The following SAMTOR variants were observed in gnomAD, a reference collection of about 807,000 sequenced individuals.
SAMTOR encodes S-adenosylmethionine sensor upstream of mTORC1.
the SAMTOR span, among the ~76,000 whole-genome samples, chr7:112,903,356 G>GA: frequency 4.8e-5 from 7 of 145,854 alleles, no homozygotes; most frequent in South Asian, 6.6e-4. Context: ...AAAAAGAAAA[G>GA]AAAAAAATGA....
the SAMTOR span, among the ~76,000 whole-genome samples, chr7:112,911,481 G>A: frequency 6.6e-6 from 1 of 152,030 alleles, no homozygotes; most frequent in Non-Finnish European, 1.5e-5. Context: ...GAGAAAAAGG[G>A]TATTTATGCC....
At chr7:112,895,642 T>G in the SAMTOR span, 1 of 1,598,314 alleles carries the variant, frequency 6.3e-7, no homozygotes, top group Non-Finnish European at 8.6e-7. Flanking sequence ...TCATGCATAT[T>G]TAAGGCTGGA....
At chr7:112,849,412 T>C in the SAMTOR span, among the ~76,000 whole-genome samples, 1 of 152,216 alleles carries the variant, frequency 6.6e-6, no homozygotes, top group Admixed American at 6.5e-5. Context: ...TTAGAAATTT[T>C]ACTTATCTTC....
chr7:112,888,910 T>C, the SAMTOR span, among the ~76,000 whole-genome samples: 2 of 152,192 alleles, frequency 1.3e-5, no homozygotes, highest in East Asian at 1.9e-4. Context: ...AGATTTCTCT[T>C]TGGGAAACTG....
At chr7:112,889,024 A>C in the SAMTOR span, among the ~76,000 whole-genome samples, 1 of 152,200 alleles carries the variant, frequency 6.6e-6, no homozygotes, top group Non-Finnish European at 1.5e-5. Context: ...GCATGGGAAG[A>C]GAAGTTTACA....
chr7:112,900,053 T>C, the SAMTOR span, among the ~76,000 whole-genome samples: 4 of 152,108 alleles, frequency 2.6e-5, no homozygotes, highest in Non-Finnish European at 4.4e-5. Context: ...AAAACTGTAA[T>C]TGTAGTGCAT....
the SAMTOR span, among the ~76,000 whole-genome samples, chr7:112,900,121 CAT>C: frequency 4.9e-4 from 73 of 150,494 alleles, no homozygotes; most frequent in African/African-American, 1.4e-3. Flanking sequence ...TATATCTGTA[CAT>C]ATATATATAT....
chr7:112,839,154 T>C, the SAMTOR span, among the ~76,000 whole-genome samples: 2 of 151,798 alleles, frequency 1.3e-5, no homozygotes, highest in Non-Finnish European at 2.9e-5. Flanking sequence ...TCAAACACTA[T>C]GACAAGGTAA....
At chr7:112,927,569 T>C in the SAMTOR span, among the ~76,000 whole-genome samples, 1 of 151,920 alleles carries the variant, frequency 6.6e-6, no homozygotes, top group Non-Finnish European at 1.5e-5. Flanking sequence ...AAAAAATACA[T>C]GTGTCTTAAA....
the SAMTOR span, chr7:112,821,997 G>A: frequency 6.2e-7 from 1 of 1,613,622 alleles, no homozygotes; most frequent in Non-Finnish European, 8.5e-7. Flanking sequence ...GGTTTTTAGA[G>A]AGATTTTCCT....
At chr7:112,888,375 A>G in the SAMTOR span, among the ~76,000 whole-genome samples, 1 of 152,162 alleles carries the variant, frequency 6.6e-6, no homozygotes, top group Non-Finnish European at 1.5e-5. Flanking sequence ...GAATATTTTG[A>G]AAAATTATAA....
chr7:112,869,428 C>G, the SAMTOR span, among the ~76,000 whole-genome samples: 4 of 152,010 alleles, frequency 2.6e-5, no homozygotes, highest in Middle Eastern at 3.2e-3. Context: ...ATCTCTACAC[C>G]AAGCAACATC....
At chr7:112,845,045 A>T in the SAMTOR span, among the ~76,000 whole-genome samples, 1 of 152,212 alleles carries the variant, frequency 6.6e-6, no homozygotes, top group East Asian at 1.9e-4. Flanking sequence ...CCTATGCAGA[A>T]GATTGAAACT....
At chr7:112,854,656 G>A in the SAMTOR span, among the ~76,000 whole-genome samples, 2 of 152,150 alleles carry the variant, frequency 1.3e-5, no homozygotes, top group South Asian at 2.1e-4. Context: ...TAGCTGTATG[G>A]TTAAGGAACT....
the SAMTOR span, among the ~76,000 whole-genome samples, chr7:112,871,405 C>T: frequency 1.3e-5 from 2 of 152,120 alleles, no homozygotes; most frequent in African/African-American, 4.8e-5. Flanking sequence ...ACTAAATTAA[C>T]TTGCTCCTGA....
chr7:112,821,553 A>G, the SAMTOR span: 480 of 482,588 alleles, frequency 9.9e-4, 7 homozygotes, highest in East Asian at 0.015. Flanking sequence ...GTCACTCTGC[A>G]TGAAACTTTA....
At chr7:112,854,035 C>T in the SAMTOR span, among the ~76,000 whole-genome samples, 1 of 151,872 alleles carries the variant, frequency 6.6e-6, no homozygotes, top group Non-Finnish European at 1.5e-5. Context: ...TTCTAATGTC[C>T]ACTTTTGGGG....
At chr7:112,882,394 A>G in the SAMTOR span, among the ~76,000 whole-genome samples, 2 of 152,192 alleles carry the variant, frequency 1.3e-5, no homozygotes, top group African/African-American at 4.8e-5. Flanking sequence ...CAAAGACATT[A>G]TGTTAAAAAG....
chr7:112,849,141 T>G, the SAMTOR span, among the ~76,000 whole-genome samples: 1 of 152,284 alleles, frequency 6.6e-6, no homozygotes, highest in African/African-American at 2.4e-5. Flanking sequence ...TTTAAAAGTA[T>G]TTTAAAAAAA....
Sources: gnomAD v4.1 joint callset for allele counts (sites outside exome capture counted in the v4.1 genomes callset) on GRCh38, gnomAD v4.1.1 for gene constraint, MANE v1.5 for transcripts, NCBI Gene and HGNC (gene_info 2026-07-23, HGNC 2026-07-21) for gene names.